Variants in CIMIP6 observed in about 807,000 individuals in gnomAD.
CIMIP6 encodes the protein ciliary microtubule inner protein 6.
At chr2:54,356,863 C>T in the CIMIP6 span, among the ~76,000 whole-genome samples, 1,439 of 152,266 alleles carry the variant, frequency 9.5e-3, 26 homozygotes, top group African/African-American at 0.033. Flanking sequence ...ATTACCACCA[C>T]CTAATTAATG....
chr2:54,381,988 A>G, the CIMIP6 span: 1 of 1,541,054 alleles, frequency 6.5e-7, no homozygotes, highest in Non-Finnish European at 8.7e-7. Flanking sequence ...CATTCACAGT[A>G]AGTATTAGCA....
the CIMIP6 span, among the ~76,000 whole-genome samples, chr2:54,331,821 C>T: frequency 6.6e-6 from 1 of 152,166 alleles, no homozygotes; most frequent in Non-Finnish European, 1.5e-5. Context: ...GATGTGGAGC[C>T]AGGGATACCC....
the CIMIP6 span, among the ~76,000 whole-genome samples, chr2:54,350,310 A>C: frequency 6.6e-6 from 1 of 152,264 alleles, no homozygotes; most frequent in Non-Finnish European, 1.5e-5. Flanking sequence ...TTAAAACAAC[A>C]ATCATCTTAT....
At chr2:54,346,351 G>A in the CIMIP6 span, among the ~76,000 whole-genome samples, 1 of 152,102 alleles carries the variant, frequency 6.6e-6, no homozygotes, top group African/African-American at 2.4e-5. Context: ...GGTGAAACAA[G>A]GAATAGATGT....
chr2:54,371,608 G>A, the CIMIP6 span, among the ~76,000 whole-genome samples: 1 of 152,244 alleles, frequency 6.6e-6, no homozygotes, highest in Admixed American at 6.5e-5. Context: ...CATCACACCT[G>A]CTGTTGCAGT....
the CIMIP6 span, among the ~76,000 whole-genome samples, chr2:54,375,885 G>T: frequency 5.8e-4 from 87 of 150,234 alleles, no homozygotes; most frequent in South Asian, 1.7e-3. Flanking sequence ...TCATATAGGG[G>T]GTGTGTGTGT....
the CIMIP6 span, among the ~76,000 whole-genome samples, chr2:54,357,739 G>A: frequency 8.6e-6 from 1 of 116,536 alleles, no homozygotes; most frequent in African/African-American, 3.1e-5. Flanking sequence ...ACCACGCCCA[G>A]CTAATTTTTT....
chr2:54,378,586 C>G, the CIMIP6 span, among the ~76,000 whole-genome samples: 3 of 152,042 alleles, frequency 2.0e-5, no homozygotes, highest in Non-Finnish European at 2.9e-5. Flanking sequence ...AACAGAAATG[C>G]CCAGCTTTCT....
the CIMIP6 span, among the ~76,000 whole-genome samples, chr2:54,338,947 C>T: frequency 1.4e-5 from 1 of 70,910 alleles, no homozygotes; most frequent in Non-Finnish European, 3.6e-5. Context: ...GTCAGGAGTT[C>T]GAGACCAGCC....
At chr2:54,340,097 G>T in the CIMIP6 span, among the ~76,000 whole-genome samples, 4 of 73,922 alleles carry the variant, frequency 5.4e-5, 2 homozygotes, top group East Asian at 9.8e-4. Context: ...GGCAACTCCT[G>T]ACCATGGAAC....
At chr2:54,340,580 C>G in the CIMIP6 span, among the ~76,000 whole-genome samples, 8 of 152,250 alleles carry the variant, frequency 5.3e-5, no homozygotes, top group Middle Eastern at 3.4e-3. Flanking sequence ...TGTAAGATTT[C>G]ACTCAGCTAA....
chr2:54,371,177 A>T, the CIMIP6 span, among the ~76,000 whole-genome samples: 1 of 152,350 alleles, frequency 6.6e-6, no homozygotes, highest in Non-Finnish European at 1.5e-5. Flanking sequence ...AAGAAAGAGG[A>T]AACATGTCAC....
chr2:54,331,310 T>C, the CIMIP6 span, among the ~76,000 whole-genome samples: 1 of 152,088 alleles, frequency 6.6e-6, no homozygotes, highest in Non-Finnish European at 1.5e-5. Context: ...CTACCACTGC[T>C]CATCACTTTC....
At chr2:54,373,398 C>G in the CIMIP6 span, among the ~76,000 whole-genome samples, 5 of 152,132 alleles carry the variant, frequency 3.3e-5, no homozygotes, top group African/African-American at 1.2e-4. Flanking sequence ...ATATCACCCT[C>G]TCAGAAGCTC....
At chr2:54,336,256 TTGTGGTCATTC>T in the CIMIP6 span, among the ~76,000 whole-genome samples, 2 of 152,194 alleles carry the variant, frequency 1.3e-5, no homozygotes, top group Admixed American at 1.3e-4. Flanking sequence ...CTATGCCCTT[TTGTGGTCATTC>T]CCTTCCTCTA....
chr2:54,357,956 C>T, the CIMIP6 span, among the ~76,000 whole-genome samples: 3 of 151,942 alleles, frequency 2.0e-5, no homozygotes, highest in East Asian at 1.9e-4. Context: ...TTTTTATTGC[C>T]AGCAACAGTA....
At chr2:54,362,856 T>G in the CIMIP6 span, among the ~76,000 whole-genome samples, 1 of 152,222 alleles carries the variant, frequency 6.6e-6, no homozygotes, top group Non-Finnish European at 1.5e-5. Context: ...TCTCATTATC[T>G]TTCTCATGGT....
At chr2:54,344,958 T>A in the CIMIP6 span, among the ~76,000 whole-genome samples, 10 of 152,192 alleles carry the variant, frequency 6.6e-5, no homozygotes, top group Non-Finnish European at 1.0e-4. Context: ...ATTGAGCACA[T>A]ACTATTTGCC....
chr2:54,357,164 G>A, the CIMIP6 span, among the ~76,000 whole-genome samples: 85 of 152,280 alleles, frequency 5.6e-4, no homozygotes, highest in African/African-American at 2.0e-3. Flanking sequence ...AATGTTAACA[G>A]TTAACTTTTT....
Sources: gnomAD v4.1 joint callset for allele counts (sites outside exome capture counted in the v4.1 genomes callset) on GRCh38, gnomAD v4.1.1 for gene constraint, MANE v1.5 for transcripts, NCBI Gene and HGNC (gene_info 2026-07-23, HGNC 2026-07-21) for gene names.